Variants in CCDC77 observed in about 807,000 individuals in gnomAD.
CCDC77 encodes coiled-coil domain-containing protein 77.
CCDC77 carries 56 observed loss-of-function variants against 66.8 expected under a neutral mutation model. That is an observed-to-expected ratio of 0.84 (90% CI 0.68 to 1.05). The LOEUF (loss-of-function observed/expected upper bound fraction) is 1.05, where lower values mean the gene tolerates loss of function less well. CCDC77 is among the 50% of genes least tolerant of loss of function. The pLI, the probability that CCDC77 is intolerant of heterozygous loss-of-function variation, is 0.00. For synonymous variants in CCDC77, 196 were observed against 195.2 expected (o/e 1.00, Z -0.03); for missense variants, 570 against 576.8 (o/e 0.99, Z 0.12).
intron 4 of CCDC77, among the ~76,000 whole-genome samples, chr12:416,668 C>A (rs544565346): frequency 6.6e-6 from 1 of 151,324 alleles, no homozygotes; most frequent in East Asian, 1.9e-4. Context: ...CCACGCCTGG[C>A]GTGTTAAGTA....
At chr12:435,806 A>G (rs1420915338) in intron 9 of CCDC77, among the ~76,000 whole-genome samples, 1 of 151,784 alleles carries the variant, frequency 6.6e-6, no homozygotes, top group Non-Finnish European at 1.5e-5. Context: ...TGGTGTGATC[A>G]TAGCTTACTG....
intron 3 of CCDC77, among the ~76,000 whole-genome samples, chr12:411,380 A>G (rs1200663430): frequency 1.3e-5 from 2 of 151,840 alleles, no homozygotes; most frequent in East Asian, 3.9e-4. Context: ...GGGTTTCACC[A>G]TGTTGCCCAG....
intron 5 of CCDC77, among the ~76,000 whole-genome samples, chr12:419,668 G>T (rs1945364991): frequency 1.2e-5 from 1 of 83,342 alleles, no homozygotes; most frequent in African/African-American, 4.2e-5. Flanking sequence ...TGTGTGCTGG[G>T]AGTGAGAGGG....
At chr12:424,096 G>A (rs988618018) in intron 5 of CCDC77, among the ~76,000 whole-genome samples, 1 of 151,890 alleles carries the variant, frequency 6.6e-6, no homozygotes, top group South Asian at 2.1e-4. Context: ...TCAGCCTCCT[G>A]AGTAGCTGGG....
At chr12:389,406 C>G (rs1434339332) in exon 1 of CCDC77, 1 of 523,974 alleles carries the variant, frequency 1.9e-6, no homozygotes, top group Admixed American at 3.1e-5. Flanking sequence ...TCTTCTCTTC[C>G]CCGGCAGCAC....
At chr12:417,959 CTG>C (rs970537107) in intron 4 of CCDC77, among the ~76,000 whole-genome samples, 10 of 151,952 alleles carry the variant, frequency 6.6e-5, no homozygotes, top group African/African-American at 2.4e-4. Flanking sequence ...ATTCTATAGT[CTG>C]TAAAAGGAAG....
intron 4 of CCDC77, among the ~76,000 whole-genome samples, chr12:413,626 A>ATTTTTTT (rs573170612): frequency 8.7e-6 from 1 of 115,480 alleles, no homozygotes; most frequent in African/African-American, 3.3e-5. Flanking sequence ...ACTGAATGGG[A>ATTTTTTT]TTTTTTTTTT....
Position 418,533 on chromosome 12 carries a change from AT to A in CCDC77, c.312del (p.Ile104MetfsTer8). ...TGATTTGCAGCAGAGGGAGGAAGAG[AT>A]TGCTGAATTGCAGAAAGCTCTAAGT... ...ECDLQQREEE[I>X]AELQKALSDM... On this transcript the variant is annotated frameshift_variant, in exon 5 of 13. Transcript: ENST00000239830. LOFTEE classifies it high-confidence loss of function. 6.2e-7 allele frequency: 1 copy of A among 1,613,914 alleles called. No individual in the cohort carries two copies.
At chr12:426,650 AT>A (rs772370235) in intron 5 of CCDC77, among the ~76,000 whole-genome samples, 1 of 152,126 alleles carries the variant, frequency 6.6e-6, no homozygotes, top group Non-Finnish European at 1.5e-5. Flanking sequence ...AGAAATGCCC[AT>A]TGATTTGGTG....
At chr12:430,544 T>C (rs908669458) in intron 6 of CCDC77, 120 bp from the exon 7 acceptor site, 6 of 761,418 alleles carry the variant, frequency 7.9e-6, no homozygotes, top group African/African-American at 1.7e-5. Flanking sequence ...GACATCCTTA[T>C]ATGATCATAT....
chr12:441,733 C>T, intron 12 of CCDC77, 41 bp from the exon 13 acceptor site: 1 of 1,580,290 alleles, frequency 6.3e-7, no homozygotes. Flanking sequence ...CTGGCATATG[C>T]CATCATCATT....
chr12:434,287 C>A (rs552652049), intron 9 of CCDC77, among the ~76,000 whole-genome samples: 12 of 152,214 alleles, frequency 7.9e-5, no homozygotes, highest in African/African-American at 2.9e-4. Context: ...ACTTCATCCC[C>A]ACCATTTTAC....
At chr12:390,610 G>A (rs772733739) in intron 1 of CCDC77, among the ~76,000 whole-genome samples, 1 of 152,146 alleles carries the variant, frequency 6.6e-6, no homozygotes, top group Non-Finnish European at 1.5e-5. Context: ...CCAGTAGATG[G>A]CTCTCAGACT....
rs1194534963 is a variant in CCDC77, at chr12:433,310, A to C, written c.809A>C (p.Glu270Ala). 11 of 1,613,854 alleles carry C rather than the reference A, an allele frequency of 6.8e-6. No individual in the cohort carries two copies. The highest frequency in any genetic ancestry group is 8.5e-6 in the Non-Finnish European group (10 of 1,179,980). ...QHQRNQNKIK[E>A]LTKNLHHTQE... ...CAGAGAAATCAGAACAAAATCAAAG[A>C]GCTAACCAAAAAGTGAGTGTCTAAG... The change falls in exon 9 of 13, where the codon GAG becomes GCG. Residue 270 changes from glutamate (E) to alanine (A), a missense_variant. Physicochemically the swap from Glu to Ala is moderately radical, Grantham distance 107 (BLOSUM62 -1). Coordinates refer to ENST00000239830, the MANE Select transcript of CCDC77 (RefSeq NM_032358.4).
At chr12:402,755 A>G (rs1350595905) in intron 1 of CCDC77, among the ~76,000 whole-genome samples, 2 of 152,248 alleles carry the variant, frequency 1.3e-5, no homozygotes, top group South Asian at 2.1e-4. Flanking sequence ...GGTGTGGGTA[A>G]GAAGTATTGA....
At chr12:418,895 T>C (rs954949058) in intron 5 of CCDC77, 1 of 370,192 alleles carries the variant, frequency 2.7e-6, no homozygotes, top group Non-Finnish European at 5.0e-6. Flanking sequence ...GATGGGGTTT[T>C]GCCCTGTCAG....
chr12:432,277 A>G (rs1205341565), intron 8 of CCDC77, among the ~76,000 whole-genome samples: 3 of 152,222 alleles, frequency 2.0e-5, no homozygotes, highest in African/African-American at 7.2e-5. Context: ...CTATGCTGAT[A>G]GATCAACATT....
In CCDC77 at chr12:396,442, T is replaced by C. The variant is rs137905274; in HGVS notation, c.-113+6956T>C. Among the ~76,000 whole-genome samples, 402 of 152,232 alleles carry C rather than the reference T, an allele frequency of 2.6e-3. 2 individuals are homozygous for C. Among genetic ancestry groups the C allele is most frequent in the African/African-American group, 9.3e-3 (385 of 41,554 alleles). On this transcript the variant is annotated intron_variant, in intron 1 of 11. Transcript: ENST00000422000. ...AAAGGAAGAAAAACAACTGTTTAAA[T>C]TGTATTAGGTATTATAAGTAATCTA...
At chr12:433,595 G>T (rs1165236670) in intron 9 of CCDC77, 6 of 553,478 alleles carry the variant, frequency 1.1e-5, no homozygotes, top group Non-Finnish European at 1.3e-5. Flanking sequence ...TAGGCCGGGT[G>T]CAGTGGCTCA....
Sources: allele counts gnomAD v4.1 joint callset (sites outside exome capture counted in the v4.1 genomes callset), GRCh38; gene constraint gnomAD v4.1.1; transcripts MANE v1.5; gene names NCBI Gene and HGNC (gene_info 2026-07-23, HGNC 2026-07-21).